Variants in MAP1B observed in about 807,000 individuals in gnomAD.
MAP1B encodes the protein microtubule-associated protein 1B.
In MAP1B, 12 loss-of-function variants were observed where a neutral mutation model predicts 176.1. The observed-to-expected ratio is 0.07, with a 90% confidence interval of 0.04 to 0.11. MAP1B has a LOEUF of 0.11. Among genes scored for constraint, MAP1B ranks in the 10% least tolerant of loss-of-function variants. The pLI is 1.00. For synonymous variants in MAP1B, 1,044 were observed against 1,135.0 expected, an observed-to-expected ratio of 0.92 and a Z score of 1.61; for missense variants, 2,523 against 2,990.5, an observed-to-expected ratio of 0.84 and a Z score of 3.65.
intron 2 of MAP1B, among the ~76,000 whole-genome samples, chr5:72,162,514 A>G (rs904841390): frequency 1.3e-5 from 2 of 152,120 alleles, no homozygotes; most frequent in Non-Finnish European, 2.9e-5. Context: ...ACAAAAGGAA[A>G]AAGCTCCCTA....
chr5:72,188,944 T>C (rs965720580), intron 4 of MAP1B, among the ~76,000 whole-genome samples: 1 of 152,088 alleles, frequency 6.6e-6, no homozygotes, highest in Non-Finnish European at 1.5e-5. Context: ...GGACCAGTGG[T>C]TATCAGCCTT....
At chr5:72,129,431 C>G (rs542510851) in intron 2 of MAP1B, among the ~76,000 whole-genome samples, 1 of 152,222 alleles carries the variant, frequency 6.6e-6, no homozygotes, top group African/African-American at 2.4e-5. Flanking sequence ...GTGGCAGGCA[C>G]CTGTAGTCCC....
intron 2 of MAP1B, among the ~76,000 whole-genome samples, chr5:72,154,543 G>A (rs577395089): frequency 1.4e-4 from 21 of 152,262 alleles, no homozygotes; most frequent in Non-Finnish European, 2.2e-4. Flanking sequence ...ATCATTCAGC[G>A]GTCCCCGGCT....
chr5:72,107,718 A>C lies in MAP1B; in HGVS notation c.184+3A>C. 3.8e-6 allele frequency: 6 copies of C among 1,598,476 alleles called. No individual in the cohort carries two copies. Among genetic ancestry groups the C allele is most frequent in the Non-Finnish European group, 5.1e-6 (6 of 1,179,370 alleles). On this transcript the variant is annotated splice_donor_region_variant and intron_variant, in intron 1 of 6. Transcript: ENST00000296755. ...TGCCATCGGCAACATCGAGCTCGGT[A>C]AGTGGCCCCGCGCCCCCAGAGACGC...
chr5:72,151,124 T>C (rs758863669), intron 2 of MAP1B, among the ~76,000 whole-genome samples: 1 of 152,086 alleles, frequency 6.6e-6, no homozygotes, highest in Non-Finnish European at 1.5e-5. Flanking sequence ...GTGGGGGCTT[T>C]TGTGTTTCAT....
chr5:72,196,282 A>G lies in MAP1B; in HGVS notation c.2927A>G (p.Glu976Gly). Residue 976 changes from glutamate to glycine, a missense_variant, in exon 5 of 7, where the codon GAA becomes GGA. Physicochemically the swap from Glu to Gly is moderately conservative, Grantham distance 98. Transcript: ENST00000296755. The surrounding 1 kb of genome is among the most constrained non-coding windows in gnomAD (Gnocchi z 5.3). ...ASKHSPTEDEESAKAEADAYI... is the reference protein window; with the variant it reads ...ASKHSPTEDEGSAKAEADAYI... Reference sequence around the variant, plus strand: ...AAGCACAGCCCCACTGAGGATGAGGAAAGTGCCAAGGCGGAGGCTGATGCA... The same window carrying G: ...AAGCACAGCCCCACTGAGGATGAGGGAAGTGCCAAGGCGGAGGCTGATGCA... The G allele has an allele frequency of 6.2e-7, 1 of 1,614,078 alleles. No individual in the cohort carries two copies. Among genetic ancestry groups the G allele is most frequent in the Non-Finnish European group, 8.5e-7 (1 of 1,180,018 alleles).
chr5:72,179,546 C>T (rs1307989447), intron 2 of MAP1B: 8 of 900,006 alleles, frequency 8.9e-6, no homozygotes, highest in East Asian at 1.2e-4. Context: ...GCTGAGAACC[C>T]GCCCGCCTGC....
chr5:72,146,917 C>G (rs1304198254), intron 2 of MAP1B, among the ~76,000 whole-genome samples: 1 of 151,798 alleles, frequency 6.6e-6, no homozygotes, highest in Non-Finnish European at 1.5e-5. Flanking sequence ...TGCAAGGATA[C>G]TGTCATTCAC....
At chr5:72,147,731 A>C (rs1297344765) in intron 2 of MAP1B, among the ~76,000 whole-genome samples, 1 of 152,120 alleles carries the variant, frequency 6.6e-6, no homozygotes, top group Non-Finnish European at 1.5e-5. Context: ...GCTGGGAGGG[A>C]GGTCTTGAGA....
chr5:72,116,598 A>G, intron 2 of MAP1B: 1 of 260,714 alleles, frequency 3.8e-6, no homozygotes, highest in Non-Finnish European at 7.6e-6. Flanking sequence ...AATAACCTAT[A>G]TTCCTCCCAT....
In MAP1B at chr5:72,128,423, A is replaced by C. The variant is rs1745667125; in HGVS notation, c.286+12624A>C. ...GATATTGTTTTAAAAAAAAAAAAAA[A>C]CACTCAAAACTGCTACAGAGAAAAA... On this transcript the variant is annotated intron_variant, in intron 2 of 6. Coordinates refer to ENST00000296755, the MANE Select transcript of MAP1B (RefSeq NM_005909.5). Among the ~76,000 whole-genome samples the C allele has an allele frequency of 2.0e-5, 3 of 147,804 alleles. No homozygotes were observed. In the South Asian group the frequency reaches 6.4e-4, roughly 32 times the overall value.
intron 2 of MAP1B, among the ~76,000 whole-genome samples, chr5:72,143,271 A>G (rs891749774): frequency 1.3e-5 from 2 of 152,240 alleles, no homozygotes; most frequent in African/African-American, 2.4e-5. Flanking sequence ...AATAGAAAAG[A>G]TAATATTTAG....
chr5:72,205,316 A>C lies in MAP1B; in HGVS notation c.*77A>C. On this transcript the variant is annotated 3_prime_UTR_variant, in exon 7 of 7. Transcript: ENST00000296755. Reference sequence around the variant, plus strand: ...TCAATTTGAAATCACCTTTTCTAAAAAGTCAATTCATCTAGTTAAGTCGCT... The same window carrying C: ...TCAATTTGAAATCACCTTTTCTAAACAGTCAATTCATCTAGTTAAGTCGCT... 6.9e-7 allele frequency: 1 copy of C among 1,456,326 alleles called. No homozygotes were observed. Among genetic ancestry groups the C allele is most frequent in the Non-Finnish European group, 9.4e-7 (1 of 1,060,604 alleles). 90.2% of individuals were successfully genotyped at this position (1,456,326 alleles called of 1,614,324 possible). A position where few individuals can be genotyped will look rare whatever the true frequency, so the allele number is the denominator to read the frequency against.
In MAP1B at chr5:72,194,749, A is replaced by G; in HGVS notation, c.1394A>G (p.Tyr465Cys). Residue 465 changes from tyrosine to cysteine, a missense_variant, in exon 5 of 7, where the codon TAC (tyrosine) becomes TGC (cysteine). Physicochemically the swap from Tyr to Cys is radical, Grantham distance 194. Coordinates refer to ENST00000296755, the MANE Select transcript of MAP1B (RefSeq NM_005909.5). The surrounding 1 kb of genome is among the most constrained non-coding windows in gnomAD (Gnocchi z 7.2). ...NGQEVDLPIS[Y>C]LTSVSSLIVW... Reference sequence around the variant, plus strand: ...CAAGAAGTAGATCTCCCGATTTCCTACTTAACTTCAGTCTCATCTTTGATT... The same window carrying G: ...CAAGAAGTAGATCTCCCGATTTCCTGCTTAACTTCAGTCTCATCTTTGATT... 6.2e-7 allele frequency: 1 copy of G among 1,614,180 alleles called. No individual in the cohort carries two copies. Among genetic ancestry groups the G allele is most frequent in the Non-Finnish European group, 8.5e-7 (1 of 1,180,036 alleles).
chr5:72,159,864 T>A (rs564628594), intron 2 of MAP1B, among the ~76,000 whole-genome samples: 1 of 152,334 alleles, frequency 6.6e-6, no homozygotes, highest in South Asian at 2.1e-4. Context: ...GCCTTACTCA[T>A]GGTTGTTGAG....
intron 4 of MAP1B, among the ~76,000 whole-genome samples, chr5:72,192,074 T>C (rs1747036439): frequency 6.6e-6 from 1 of 152,248 alleles, no homozygotes; most frequent in South Asian, 2.1e-4. Flanking sequence ...CTAAACTTAA[T>C]TTTTAAGTTT....
rs762006681 is a variant in MAP1B, at chr5:72,186,800, C to T, written c.510+46C>T. The T allele has an allele frequency of 6.2e-7, 1 of 1,607,624 alleles. No homozygotes were observed. The highest frequency in any genetic ancestry group is 1.1e-5 in the South Asian group (1 of 90,816). Reference sequence around the variant, plus strand: ...ATCTGTGCTTCTAGTGGCTTGGTTGCCTTAGGTTCCTCTTTGAGAGCACTG... The same window carrying T: ...ATCTGTGCTTCTAGTGGCTTGGTTGTCTTAGGTTCCTCTTTGAGAGCACTG... On this transcript the variant is annotated intron_variant, in intron 4 of 6. Coordinates refer to ENST00000296755, the MANE Select transcript of MAP1B (RefSeq NM_005909.5). The surrounding 1 kb of genome is among the most constrained non-coding windows in gnomAD (Gnocchi z 4.3).
At chr5:72,132,297 A>T (rs1305101367) in intron 2 of MAP1B, among the ~76,000 whole-genome samples, 2 of 152,148 alleles carry the variant, frequency 1.3e-5, no homozygotes, top group African/African-American at 2.4e-5. Context: ...TTTTTCATTA[A>T]TTTTTTTCTG....
At chr5:72,159,761 C>T (rs78212835) in intron 2 of MAP1B, among the ~76,000 whole-genome samples, 1,688 of 152,294 alleles carry the variant, frequency 0.011, 32 homozygotes, top group African/African-American at 0.038. Flanking sequence ...AGAGGCCCTA[C>T]AGGAACTAGG....
Sources: gnomAD v4.1 joint callset for allele counts (sites outside exome capture counted in the v4.1 genomes callset) on GRCh38, gnomAD v4.1.1 for gene constraint, Gnocchi (gnomAD v3.1) non-coding constraint, MANE v1.5 for transcripts, NCBI Gene and HGNC (gene_info 2026-07-23, HGNC 2026-07-21) for gene names.